Variants in STPG2 observed in about 807,000 individuals in gnomAD.
The protein encoded by STPG2 is sperm-tail PG-rich repeat-containing protein 2.
In STPG2, 56 loss-of-function variants were observed where a neutral mutation model predicts 54.2. The observed-to-expected ratio is 1.03, with a 90% CI of 0.83 to 1.29. STPG2 has a LOEUF of 1.29. Among genes scored for constraint, STPG2 ranks in the 50% most tolerant of loss-of-function variants. STPG2 has a pLI of 0.00. For synonymous variants in STPG2, 200 were observed against 181.8 expected, an observed-to-expected ratio of 1.10 and a Z score of -0.81; for missense variants, 596 against 544.9, an observed-to-expected ratio of 1.09 and a Z score of -0.93.
At chr4:97,559,957 G>A (rs1236082546) in intron 10 of STPG2, among the ~76,000 whole-genome samples, 1 of 152,052 alleles carries the variant, frequency 6.6e-6, no homozygotes, top group Non-Finnish European at 1.5e-5. Context: ...TTCCTCAACT[G>A]ATGCAAGTCA....
intron 10 of STPG2, among the ~76,000 whole-genome samples, chr4:97,711,670 T>C (rs1456000775): frequency 1.7e-5 from 2 of 116,916 alleles, no homozygotes; most frequent in Non-Finnish European, 3.5e-5. Context: ...ATTTACTTAC[T>C]TTTTTTTTTT....
At chr4:98,093,593 G>T (rs1738755443) in intron 5 of STPG2, among the ~76,000 whole-genome samples, 1 of 152,124 alleles carries the variant, frequency 6.6e-6, no homozygotes, top group Non-Finnish European at 1.5e-5. Flanking sequence ...CCAAAACCCA[G>T]GTGGCAATCA....
At chr4:97,506,236 C>G (rs1486857429) in intron 4 of STPG2, among the ~76,000 whole-genome samples, 1 of 151,740 alleles carries the variant, frequency 6.6e-6, no homozygotes, top group Admixed American at 6.6e-5. Context: ...AAATTGTTAT[C>G]TAGAGACTCT....
chr4:97,596,798 C>T (rs1484681242), intron 10 of STPG2, among the ~76,000 whole-genome samples: 4 of 152,014 alleles, frequency 2.6e-5, no homozygotes. Context: ...GCACTAACTG[C>T]CCTCACCAAA....
chr4:98,107,191 A>T (rs574527387), intron 4 of STPG2, among the ~76,000 whole-genome samples: 1 of 152,308 alleles, frequency 6.6e-6, no homozygotes, highest in Non-Finnish European at 1.5e-5. Flanking sequence ...ATCTTTACCA[A>T]AAAGAGACCT....
intron 4 of STPG2, among the ~76,000 whole-genome samples, chr4:97,487,541 T>G (rs948320006): frequency 6.6e-6 from 1 of 151,612 alleles, no homozygotes; most frequent in African/African-American, 2.4e-5. Context: ...CACACCATTT[T>G]TTTTACATCT....
At chr4:97,857,455 T>A (rs1256903389) in intron 8 of STPG2, among the ~76,000 whole-genome samples, 3 of 152,226 alleles carry the variant, frequency 2.0e-5, no homozygotes, top group Non-Finnish European at 2.9e-5. Context: ...ATAAAGGTGT[T>A]TATAGTATTC....
At chr4:97,558,841 G>A (rs891500834), downstream of STPG2, 3 of 504,662 alleles carry the variant, frequency 5.9e-6, no homozygotes, top group African/African-American at 6.1e-5. Flanking sequence ...AGCAATAACA[G>A]ATAAATAATA....
chr4:98,022,458 C>T (rs1240900708), intron 5 of STPG2, among the ~76,000 whole-genome samples: 1 of 152,056 alleles, frequency 6.6e-6, no homozygotes, highest in Non-Finnish European at 1.5e-5. Flanking sequence ...ACATTTTTTC[C>T]TTCATTTCAA....
At chr4:97,762,050 G>C (rs1725905193) in intron 9 of STPG2, among the ~76,000 whole-genome samples, 1 of 152,092 alleles carries the variant, frequency 6.6e-6, no homozygotes, top group Non-Finnish European at 1.5e-5. Flanking sequence ...CAGTGTCCTT[G>C]AGTTTTCAGA....
At chr4:97,902,721 T>C (rs996879416) in intron 8 of STPG2, among the ~76,000 whole-genome samples, 7 of 152,162 alleles carry the variant, frequency 4.6e-5, no homozygotes, top group Non-Finnish European at 1.0e-4. Context: ...ACAGTCATTA[T>C]GGAAAACAGT....
At chr4:98,080,581 A>G (rs1738313759) in intron 5 of STPG2, among the ~76,000 whole-genome samples, 1 of 152,232 alleles carries the variant, frequency 6.6e-6, no homozygotes, top group Non-Finnish European at 1.5e-5. Flanking sequence ...ACACACATAT[A>G]TACATGTATG....
chr4:97,789,163 T>C (rs1010887130), intron 9 of STPG2, among the ~76,000 whole-genome samples: 1 of 152,002 alleles, frequency 6.6e-6, no homozygotes, highest in Non-Finnish European at 1.5e-5. Context: ...CATCATAAAA[T>C]GGAGAAAATG....
intron 9 of STPG2, among the ~76,000 whole-genome samples, chr4:97,721,900 A>G (rs1724460941): frequency 6.6e-6 from 1 of 152,070 alleles, no homozygotes. Context: ...ATCACTGCAA[A>G]AACTGTGCAG....
chr4:98,023,726 G>A (rs923495303), intron 5 of STPG2, among the ~76,000 whole-genome samples: 7 of 152,124 alleles, frequency 4.6e-5, no homozygotes, highest in Non-Finnish European at 1.0e-4. Flanking sequence ...AGCAAGCCTG[G>A]GCAATGGCGG....
intron 4 of STPG2, among the ~76,000 whole-genome samples, chr4:97,502,565 C>T (rs1730748510): frequency 6.6e-6 from 1 of 151,432 alleles, no homozygotes; most frequent in Non-Finnish European, 1.5e-5. Context: ...TATTTAAATC[C>T]AGACAAACAA....
intron 5 of STPG2, among the ~76,000 whole-genome samples, chr4:98,010,288 G>A (rs1227826405): frequency 6.6e-6 from 1 of 151,928 alleles, no homozygotes; most frequent in Middle Eastern, 3.2e-3. Context: ...TTAGTATGCT[G>A]TATTTCCATT....
At chr4:97,452,293 A>G (rs1357229518) in intron 4 of STPG2, among the ~76,000 whole-genome samples, 1 of 151,696 alleles carries the variant, frequency 6.6e-6, no homozygotes, top group African/African-American at 2.4e-5. Context: ...ACCTTCTCCA[A>G]TTTTGGAGCA....
chr4:97,963,952 G>A (rs558530534), intron 7 of STPG2, among the ~76,000 whole-genome samples: 15 of 152,148 alleles, frequency 9.9e-5, no homozygotes, highest in African/African-American at 3.4e-4. Flanking sequence ...AGAAACTAGA[G>A]AGCTATTTTG....
Sources: allele counts gnomAD v4.1 joint callset (sites outside exome capture counted in the v4.1 genomes callset), GRCh38; gene constraint gnomAD v4.1.1; transcripts MANE v1.5; gene names NCBI Gene and HGNC (gene_info 2026-07-23, HGNC 2026-07-21).